CSMD1: variants seen among roughly 807,000 people sequenced by gnomAD.
The protein encoded by CSMD1 is CUB and sushi domain-containing protein 1.
Under a neutral mutation model 417.5 loss-of-function variants are expected in CSMD1, and 213 were observed. The observed-to-expected ratio is 0.51, with a 90% CI of 0.46 to 0.57. The LOEUF is 0.57. Ranked by LOEUF, CSMD1 falls within the 20% of genes least tolerant of loss-of-function variation. The pLI is 0.00. For synonymous variants in CSMD1, 2,862 were observed against 1,736.8 expected (o/e 1.65, Z -16.11); for missense variants, 6,923 against 4,529.7 (o/e 1.53, Z -15.17).
chr8:4,599,414 T>C (rs903580485), intron 2 of CSMD1, among the ~76,000 whole-genome samples: 1 of 152,098 alleles, frequency 6.6e-6, no homozygotes, highest in Non-Finnish European at 1.5e-5. Flanking sequence ...AGGAAAATTT[T>C]TGATAATCCT....
intron 10 of CSMD1, among the ~76,000 whole-genome samples, chr8:3,533,500 C>G (rs562291090): frequency 6.6e-6 from 1 of 152,250 alleles, no homozygotes; most frequent in African/African-American, 2.4e-5. Flanking sequence ...CTGTGAGCAG[C>G]TTACTTCACT....
chr8:4,877,159 C>T (rs1803095413), intron 1 of CSMD1, among the ~76,000 whole-genome samples: 1 of 151,938 alleles, frequency 6.6e-6, no homozygotes. Context: ...ACATTTTACA[C>T]TTGAAGATGT....
intron 5 of CSMD1, among the ~76,000 whole-genome samples, chr8:3,856,254 C>T (rs890563267): frequency 6.6e-6 from 1 of 152,042 alleles, no homozygotes; most frequent in Non-Finnish European, 1.5e-5. Context: ...TCTCTTCTTC[C>T]TACTTGGCCC....
intron 10 of CSMD1, among the ~76,000 whole-genome samples, chr8:3,502,642 A>G (rs749945797): frequency 7.2e-5 from 11 of 152,202 alleles, no homozygotes; most frequent in Non-Finnish European, 1.2e-4. Flanking sequence ...TTTCAACTGC[A>G]TGACATTTCG....
At chr8:3,910,713 C>G (rs926606950) in intron 5 of CSMD1, among the ~76,000 whole-genome samples, 2 of 152,088 alleles carry the variant, frequency 1.3e-5, no homozygotes, top group Non-Finnish European at 1.5e-5. Context: ...CTTCTTCAGA[C>G]CATTAAGGAT....
chr8:4,491,634 A>G (rs1422655975), intron 2 of CSMD1, among the ~76,000 whole-genome samples: 1 of 152,204 alleles, frequency 6.6e-6, no homozygotes, highest in Admixed American at 6.5e-5. Flanking sequence ...TAAGCATATG[A>G]AAAGATGCTC....
At chr8:4,028,295 G>T (rs1011344665) in intron 4 of CSMD1, among the ~76,000 whole-genome samples, 1 of 152,060 alleles carries the variant, frequency 6.6e-6, no homozygotes, top group Non-Finnish European at 1.5e-5. Context: ...CCTACCTGAA[G>T]TCCAGATTCC....
chr8:3,561,635 G>T (rs566458886), intron 10 of CSMD1, among the ~76,000 whole-genome samples: 55 of 152,140 alleles, frequency 3.6e-4, no homozygotes, highest in Non-Finnish European at 7.3e-4. Flanking sequence ...GAGGAGAGAG[G>T]CAGGAGAGTA....
intron 1 of CSMD1, among the ~76,000 whole-genome samples, chr8:4,848,502 T>A (rs569727878): frequency 6.6e-6 from 1 of 152,326 alleles, no homozygotes; most frequent in South Asian, 2.1e-4. Flanking sequence ...CTGCCAGTCA[T>A]TAAAAGTCTA....
At chr8:4,312,771 G>C (rs1329358223) in intron 3 of CSMD1, among the ~76,000 whole-genome samples, 1 of 152,076 alleles carries the variant, frequency 6.6e-6, no homozygotes, top group Non-Finnish European at 1.5e-5. Flanking sequence ...CTACTCCGGA[G>C]GCTGAAGCAG....
At chr8:4,045,242 G>C (rs888449965) in intron 3 of CSMD1, among the ~76,000 whole-genome samples, 2 of 152,152 alleles carry the variant, frequency 1.3e-5, no homozygotes, top group African/African-American at 2.4e-5. Flanking sequence ...AATGAGCTTA[G>C]GAGCAGAAGT....
chr8:4,056,953 G>A (rs1034850432), intron 3 of CSMD1, among the ~76,000 whole-genome samples: 9 of 152,152 alleles, frequency 5.9e-5, no homozygotes, highest in African/African-American at 1.9e-4. Context: ...CATTTGGGTT[G>A]GTTCCAAGTC....
intron 1 of CSMD1, among the ~76,000 whole-genome samples, chr8:4,702,400 C>T (rs1307234723): frequency 6.6e-6 from 1 of 152,222 alleles, no homozygotes; most frequent in Non-Finnish European, 1.5e-5. Flanking sequence ...TTTTGAACAA[C>T]AGTTTTGAAA....
intron 9 of CSMD1, among the ~76,000 whole-genome samples, chr8:3,584,456 TG>T (rs959370661): frequency 6.6e-6 from 1 of 151,904 alleles, no homozygotes; most frequent in African/African-American, 2.4e-5. Flanking sequence ...CGTGAGTAGC[TG>T]GGGGGTTGAG....
intron 5 of CSMD1, among the ~76,000 whole-genome samples, chr8:3,897,511 G>T (rs1807445531): frequency 6.6e-6 from 1 of 151,662 alleles, no homozygotes; most frequent in Non-Finnish European, 1.5e-5. Flanking sequence ...CATAAACTTG[G>T]AATGCTTAAA....
At chr8:4,436,920 G>C (rs1461274730) in intron 2 of CSMD1, among the ~76,000 whole-genome samples, 1 of 152,122 alleles carries the variant, frequency 6.6e-6, no homozygotes, top group Non-Finnish European at 1.5e-5. Context: ...TTCATCTGTT[G>C]ATGGACACTG....
In CSMD1 at chr8:4,433,652, C is replaced by T. The variant is rs191985728; in HGVS notation, c.303-13587G>A. Among the ~76,000 whole-genome samples, 19 of 152,282 alleles carry T rather than the reference C, an allele frequency of 1.2e-4. No individual in the cohort carries two copies. The East Asian group carries it at 3.5e-3, about 28-fold the overall frequency. On this transcript the variant is annotated intron_variant, in intron 2 of 69. Transcript: ENST00000635120. Reference sequence around the variant, plus strand: ...TCTTTATGCTCAAATCTGCCCTTGTCTGAAAGAGCTACACTCTCCCACTTG... The same window carrying T: ...TCTTTATGCTCAAATCTGCCCTTGTTTGAAAGAGCTACACTCTCCCACTTG...
chr8:3,394,329 T>C lies in CSMD1; in HGVS notation c.2593+1865A>G, dbSNP rs911675246. Among the ~76,000 whole-genome samples, 6 of 150,064 alleles carry C rather than the reference T, an allele frequency of 4.0e-5. No individual in the cohort carries two copies. In the South Asian group the frequency reaches 8.3e-4, roughly 21 times the overall value. The stretch of plus-strand genomic sequence containing the variant: ...ATATTAGTGAGGATGACAAGCTAAA[T>C]AGAAATTTATGAAATGACTTTTTAT... On this transcript the variant is annotated intron_variant, in intron 17 of 69. Coordinates refer to ENST00000635120, the MANE Select transcript of CSMD1 (RefSeq NM_033225.6).
rs1813358359 is a variant in CSMD1, at chr8:3,975,313, C to G, written c.818+22590G>C. On this transcript the variant is annotated intron_variant, in intron 5 of 69. Coordinates refer to ENST00000635120, the MANE Select transcript of CSMD1 (RefSeq NM_033225.6). ...TTATACCTTTTTTACACAAAATGCCCTTAGAACAGTTTGGATGTTTGTGGA... is the reference window on the plus strand; with the variant it reads ...TTATACCTTTTTTACACAAAATGCCGTTAGAACAGTTTGGATGTTTGTGGA... 2.6e-5 allele frequency among the ~76,000 whole-genome samples: 4 copies of G among 152,210 alleles called. No individual in the cohort carries two copies. The South Asian group carries it at 8.3e-4, about 32-fold the overall frequency.
Sources: allele counts gnomAD v4.1 joint callset (sites outside exome capture counted in the v4.1 genomes callset), GRCh38; gene constraint gnomAD v4.1.1; transcripts MANE v1.5; gene names NCBI Gene and HGNC (gene_info 2026-07-23, HGNC 2026-07-21).